DIPK2B: variants seen among roughly 807,000 people sequenced by gnomAD.
DIPK2B encodes the protein UPF0672 protein CXorf36.
Under a neutral mutation model 22.2 loss-of-function variants are expected in DIPK2B, and 15 were observed. The observed-to-expected ratio is 0.68, with a 90% CI of 0.45 to 1.04. The LOEUF (loss-of-function observed/expected upper bound fraction) is 1.04, where lower values mean the gene tolerates loss of function less well. DIPK2B is among the 50% of genes least tolerant of loss of function. DIPK2B has a pLI of 0.00. For missense variants in DIPK2B, 345 were observed against 348.3 expected (o/e 0.99, Z 0.08); for synonymous variants, 163 against 153.2 (o/e 1.06, Z -0.47).
chrX:45,183,579 T>A (rs1225419579), intron 2 of DIPK2B: 1 of 112,282 alleles, frequency 8.9e-6, no homozygotes, highest in East Asian at 2.8e-4. Context: ...GAAATGATGA[T>A]CTTAAGGAGT....
In DIPK2B at chrX:45,150,378, CTG is replaced by C. The variant is rs1244831294; in HGVS notation, c.*1272_*1273del. On this transcript the variant is annotated 3_prime_UTR_variant, in exon 5 of 5. Coordinates refer to ENST00000398000, the MANE Select transcript of DIPK2B (RefSeq NM_176819.4). ...AATATTTAAAAAGCAAACTAACAAACTGTTGAATAAAGTATGTTCTATTGGTT... is the reference window on the plus strand; with the variant it reads ...AATATTTAAAAAGCAAACTAACAAACTTGAATAAAGTATGTTCTATTGGTT... 1 of 112,005 alleles carries C rather than the reference CTG, an allele frequency of 8.9e-6. No individual in the cohort carries two copies. The highest frequency in any genetic ancestry group is 1.9e-5 in the Non-Finnish European group (1 of 53,209). 9.2% of individuals were successfully genotyped at this position (112,005 alleles called of 1,213,427 possible). A position where few individuals can be genotyped will look rare whatever the true frequency, so the allele number is the denominator to read the frequency against.
In DIPK2B at chrX:45,197,400, G is replaced by C. The variant is rs771658699; in HGVS notation, c.233+3194C>G. 2.7e-5 allele frequency among the ~76,000 whole-genome samples: 3 copies of C among 111,735 alleles called. No individual in the cohort carries two copies. In the Admixed American group the frequency reaches 2.8e-4, roughly 11 times the overall value. On this transcript the variant is annotated intron_variant, in intron 1 of 4. Transcript: ENST00000398000. Reference sequence around the variant, plus strand: ...CTATAGGCGTGCGCCGCCATGTCCGGCTAATTTTTGTATTTTTAGTAGAGA... The same window carrying C: ...CTATAGGCGTGCGCCGCCATGTCCGCCTAATTTTTGTATTTTTAGTAGAGA...
chrX:45,163,627 T>C (rs2047033101), intron 2 of DIPK2B: 11 of 754,085 alleles, frequency 1.5e-5, no homozygotes, highest in Non-Finnish European at 1.1e-5. Flanking sequence ...ACATAAAAGA[T>C]AGATAGTCTT....
chrX:45,200,790 G>A lies in DIPK2B; in HGVS notation c.37C>T (p.Arg13Cys), dbSNP rs1340643598. 4.2e-6 allele frequency: 5 copies of A among 1,202,167 alleles called. No individual in the cohort carries two copies. The highest frequency in any genetic ancestry group is 5.6e-6 in the Non-Finnish European group (5 of 890,191). The change falls in exon 1 of 5, where the codon CGC becomes TGC. Residue 13 changes from arginine to cysteine, a missense_variant. Arg to Cys is a radical substitution (Grantham distance 180). Coordinates refer to ENST00000398000, the MANE Select transcript of DIPK2B (RefSeq NM_176819.4). ...AGCAGCAGGGCCAGCCAGCCAGGGC[G>A]GAGGGCGGCAGCCTCAGGCCCCAGC... ...PQLGPEAAAL[R>C]PGWLALLLWV...
At position 45,179,468 on chromosome X, in the gene DIPK2B, G is replaced by C. The variant is rs768379286; in HGVS notation, c.498+12283C>G. 7.2e-5 allele frequency among the ~76,000 whole-genome samples: 8 copies of C among 111,135 alleles called. No homozygotes were observed. The South Asian group carries it at 3.0e-3, about 41-fold the overall frequency. On this transcript the variant is annotated intron_variant, in intron 2 of 4. Transcript: ENST00000398000. ...AAGCAGAGATAATCCAGATATTATA[G>C]TAGAAACAAGGAATTAAAAGTAAGT...
intron 4 of DIPK2B, among the ~76,000 whole-genome samples, chrX:45,153,682 G>T (rs1382879027): frequency 1.8e-5 from 2 of 110,914 alleles, no homozygotes; most frequent in African/African-American, 6.6e-5. Context: ...GCTTCTCATG[G>T]ACAAGGCCAA....
intron 1 of DIPK2B, among the ~76,000 whole-genome samples, chrX:45,194,408 G>C (rs1185188721): frequency 9.0e-6 from 1 of 110,652 alleles, no homozygotes; most frequent in Non-Finnish European, 1.9e-5. Context: ...CGCCACCATG[G>C]ATGGCTAATT....
chrX:45,170,604 C>G (rs2047075643), intron 2 of DIPK2B, among the ~76,000 whole-genome samples: 1 of 112,370 alleles, frequency 8.9e-6, no homozygotes, highest in African/African-American at 3.2e-5. Flanking sequence ...CTCTGTGTCC[C>G]TAGCACCTTG....
rs141128299 is a variant in DIPK2B at position 45,156,415 on chromosome X, C to G, written c.672+1300G>C. Among the ~76,000 whole-genome samples the G allele has an allele frequency of 1.8e-3, 201 of 112,325 alleles. 3 individuals carry two copies. Among genetic ancestry groups the G allele is most frequent in the African/African-American group, 6.2e-3 (192 of 30,974 alleles). On this transcript the variant is annotated intron_variant, in intron 3 of 4. Transcript: ENST00000398000. Reference sequence around the variant, plus strand: ...CCCAGGGCTGAGTCCCAGCCCCATGCTCTCATCCCACGCCTCTCAAGAGCC... The same window carrying G: ...CCCAGGGCTGAGTCCCAGCCCCATGGTCTCATCCCACGCCTCTCAAGAGCC...
chrX:45,196,509 A>G (rs2047240092), intron 1 of DIPK2B, among the ~76,000 whole-genome samples: 1 of 111,447 alleles, frequency 9.0e-6, no homozygotes, highest in Admixed American at 9.5e-5. Flanking sequence ...CGATTTAGTT[A>G]TTTTACTGTG....
intron 3 of DIPK2B, among the ~76,000 whole-genome samples, chrX:45,155,026 G>A (rs2046985614): frequency 8.9e-6 from 1 of 112,670 alleles, no homozygotes; most frequent in Non-Finnish European, 1.9e-5. Flanking sequence ...AGTGGCTCAC[G>A]CCTGTAATCC....
At chrX:45,178,528 G>T (rs2047131445) in intron 2 of DIPK2B, among the ~76,000 whole-genome samples, 1 of 111,498 alleles carries the variant, frequency 9.0e-6, no homozygotes, top group South Asian at 3.7e-4. Flanking sequence ...TGTGAGAAAG[G>T]ATACACACGA....
At chrX:45,154,278 C>T (rs757756972) in intron 3 of DIPK2B, 80 bp from the exon 4 acceptor site, 127 of 598,712 alleles carry the variant, frequency 2.1e-4, no homozygotes, top group Admixed American at 1.7e-3. Flanking sequence ...TATCTATCTC[C>T]CTATCTATCT....
intron 2 of DIPK2B, among the ~76,000 whole-genome samples, chrX:45,165,864 G>A (rs1043602161): frequency 9.0e-6 from 1 of 111,571 alleles, no homozygotes; most frequent in Non-Finnish European, 1.9e-5. Flanking sequence ...TGAGAGGCAC[G>A]TCCTCTGCAT....
chrX:45,159,423 A>C (rs983539730), intron 2 of DIPK2B, among the ~76,000 whole-genome samples: 14 of 111,805 alleles, frequency 1.3e-4, no homozygotes, highest in African/African-American at 4.6e-4. Context: ...ACATATACCT[A>C]GCATTAGAAC....
At chrX:45,152,019 C>T in intron 4 of DIPK2B, 27 bp from the exon 5 acceptor site, 1 of 1,118,883 alleles carries the variant, frequency 8.9e-7, no homozygotes, top group African/African-American at 1.8e-5. Flanking sequence ...AAGTATTACA[C>T]ACCCTGCCAC....
chrX:45,182,100 A>G (rs1314384223), intron 2 of DIPK2B, among the ~76,000 whole-genome samples: 1 of 109,547 alleles, frequency 9.1e-6, no homozygotes, highest in Admixed American at 9.8e-5. Flanking sequence ...TACCATTAAG[A>G]GGGTGAAAAG....
At chrX:45,177,062 C>T (rs1031453462) in intron 2 of DIPK2B, among the ~76,000 whole-genome samples, 2 of 110,497 alleles carry the variant, frequency 1.8e-5, no homozygotes, top group African/African-American at 3.3e-5. Flanking sequence ...TTTTGGGAGG[C>T]CGAGGTGGGA....
At chrX:45,155,737 AT>A (rs1366422137) in intron 3 of DIPK2B, among the ~76,000 whole-genome samples, 3 of 110,126 alleles carry the variant, frequency 2.7e-5, no homozygotes, top group Non-Finnish European at 3.8e-5. Flanking sequence ...GGATTTGTAG[AT>A]GAAAAGTGGG....
Sources: gnomAD v4.1 joint callset for allele counts (sites outside exome capture counted in the v4.1 genomes callset) on GRCh38, gnomAD v4.1.1 for gene constraint, MANE v1.5 for transcripts, NCBI Gene and HGNC (gene_info 2026-07-23, HGNC 2026-07-21) for gene names.